The following PCGF5 variants were observed in gnomAD, a reference collection of about 807,000 sequenced individuals.
PCGF5 encodes the protein polycomb group ring finger 5.
PCGF5 carries 9 observed loss-of-function variants against 44.3 expected under a neutral mutation model. The ratio of observed to expected loss-of-function variants is 0.20; its 90% CI spans 0.12 to 0.35. PCGF5 has a LOEUF of 0.35. Ranked by LOEUF, PCGF5 falls within the 10% of genes least tolerant of loss-of-function variation. The pLI is 1.00. For missense variants in PCGF5, 146 were observed against 305.3 expected (o/e 0.48, Z 3.89); for synonymous variants, 95 against 102.5 (o/e 0.93, Z 0.44).
intron 1 of PCGF5, among the ~76,000 whole-genome samples, chr10:91,203,258 C>G (rs528471920): frequency 1.3e-5 from 2 of 152,296 alleles, no homozygotes; most frequent in South Asian, 4.1e-4. Context: ...GGGAATAAGG[C>G]ACAGGATGAT....
rs559761252 is a variant in PCGF5, at chr10:91,172,153, G to A, written c.-184+9072G>A. Among the ~76,000 whole-genome samples, 151 of 152,250 alleles carry A rather than the reference G, an allele frequency of 9.9e-4. 1 individual carries two copies. Among genetic ancestry groups the A allele is most frequent in the African/African-American group, 3.3e-3 (136 of 41,532 alleles). ...AATATTGCCCTCTAGGGCCAGGCGC[G>A]GTGGCTCATGCCTGTAATCCCAGCA... is the stretch of plus-strand genomic sequence containing the variant. On this transcript the variant is annotated intron_variant, in intron 1 of 9. Coordinates refer to the PCGF5 transcript ENST00000614189.
At chr10:91,205,256 C>G (rs990192472) in intron 1 of PCGF5, among the ~76,000 whole-genome samples, 1 of 151,228 alleles carries the variant, frequency 6.6e-6, no homozygotes, top group Admixed American at 6.6e-5. Flanking sequence ...TATTATGGAA[C>G]GATTTTTCTT....
rs11400268 is a variant in PCGF5 at position 91,270,380 on chromosome 10, G to GAA, written c.664-1247_664-1246dup. ...TTGACTGATACCAAAGAGATCAATA[G>GAA]AAAAAAAAAAAAGAATCACTTAGTG... On this transcript the variant is annotated intron_variant, in intron 8 of 9. Coordinates refer to ENST00000336126, the MANE Select transcript of PCGF5 (RefSeq NM_032373.5). 3.4e-3 allele frequency among the ~76,000 whole-genome samples: 498 copies of GAA among 147,790 alleles called. 1 individual carries two copies. Among genetic ancestry groups the GAA allele is most frequent in the African/African-American group, 9.2e-3 (372 of 40,268 alleles).
rs59254639 is a variant in PCGF5, at chr10:91,173,578, C to CTTTTTTTTTTTTTTTTTTTTTTTTTT, written c.-184+10514_-184+10515insTTTTTTTTTTTTTTTTTTTTTTTTTT. ...TTATTCTTCTGCTAGAGGGAGTTGG[C>CTTTTTTTTTTTTTTTTTTTTTTTTTT]TTTTTTTTTTTTTTTTTCCCACAGA... On this transcript the variant is annotated intron_variant, in intron 1 of 9. Coordinates refer to the PCGF5 transcript ENST00000614189. 1.7e-5 allele frequency among the ~76,000 whole-genome samples: 2 copies of CTTTTTTTTTTTTTTTTTTTTTTTTTT among 115,628 alleles called. 1 individual carries two copies. Among genetic ancestry groups the CTTTTTTTTTTTTTTTTTTTTTTTTTT allele is most frequent in the African/African-American group, 6.8e-5 (2 of 29,276 alleles). 75.9% of individuals were successfully genotyped at this position (115,628 alleles called of 152,430 possible).
chr10:91,220,866 G>C (rs1454923548), intron 1 of PCGF5, 30 bp downstream of exon 1: 1 of 153,412 alleles, frequency 6.5e-6, no homozygotes, highest in African/African-American at 2.4e-5. Flanking sequence ...GGGAGCTGCA[G>C]GGACGCCAGA....
At chr10:91,161,996 G>A (rs182201868), upstream of PCGF5, among the ~76,000 whole-genome samples, 4 of 152,114 alleles carry the variant, frequency 2.6e-5, no homozygotes, top group African/African-American at 9.6e-5. Context: ...GGAGCAGGAA[G>A]ACTGCACAGA....
chr10:91,162,422 A>G (rs556757433), upstream of PCGF5, among the ~76,000 whole-genome samples: 12 of 152,252 alleles, frequency 7.9e-5, no homozygotes, highest in South Asian at 2.5e-3. Context: ...GGACTTGACC[A>G]TCGCCAGGGA....
At chr10:91,217,604 T>A (rs1248556006), upstream of PCGF5, among the ~76,000 whole-genome samples, 2 of 152,234 alleles carry the variant, frequency 1.3e-5, no homozygotes, top group Admixed American at 1.3e-4. Flanking sequence ...TTTGTGGTTC[T>A]CTGGAAGAGT....
At chr10:91,239,232 G>A (rs990511822) in intron 2 of PCGF5, among the ~76,000 whole-genome samples, 3 of 152,122 alleles carry the variant, frequency 2.0e-5, no homozygotes, top group South Asian at 2.1e-4. Flanking sequence ...GCTTTGTTTT[G>A]TTGGCCCCTG....
At chr10:91,172,147 A>G (rs777185083) in intron 1 of PCGF5, among the ~76,000 whole-genome samples, 4 of 151,722 alleles carry the variant, frequency 2.6e-5, no homozygotes. Context: ...CTCTAGGGCC[A>G]GGCGCGGTGG....
chr10:91,236,266 C>G (rs756094273), intron 2 of PCGF5, among the ~76,000 whole-genome samples: 15 of 152,156 alleles, frequency 9.9e-5, no homozygotes. Flanking sequence ...CCTAGTCAGG[C>G]TCTCCAGCAC....
chr10:91,156,252 T>A, the PCGF5 span, among the ~76,000 whole-genome samples: 5 of 152,054 alleles, frequency 3.3e-5, no homozygotes, highest in African/African-American at 9.7e-5. Context: ...ATATAATAAT[T>A]CATGGGTACC....
chr10:91,251,334 G>A lies in PCGF5; in HGVS notation c.368G>A (p.Gly123Asp), dbSNP rs957047222. The change falls in exon 6 of 10, where the codon GGT (glycine) becomes GAT (aspartate). Residue 123 changes from glycine to aspartate, a missense_variant. Gly to Asp is a moderately conservative substitution (Grantham distance 94). Transcript: ENST00000336126. ...GACAAACCGAAAGTAGATGAAGAAG[G>A]TGATGAAAATGAAGATGATAAAGAT... is the stretch of plus-strand genomic sequence containing the variant. ...KADKPKVDEEGDENEDDKDYH... is the reference protein window; with the variant it reads ...KADKPKVDEEDDENEDDKDYH... The A allele has an allele frequency of 1.9e-6, 3 of 1,610,560 alleles. No homozygotes were observed. In the Admixed American group the frequency reaches 5.0e-5, roughly 27 times the overall value.
chr10:91,176,040 G>A (rs1442865857), intron 1 of PCGF5, among the ~76,000 whole-genome samples: 1 of 152,166 alleles, frequency 6.6e-6, no homozygotes, highest in East Asian at 1.9e-4. Flanking sequence ...TTTTTGCAGT[G>A]GCTGGTACCG....
rs1846453045 is a variant in PCGF5, at chr10:91,281,489, C to T, written c.*3173C>T. ...GTGCATTTCTGTTTTAAATTTACTGCATAAAGTTTGAGTTATCTGTACCTG... is the reference window on the plus strand; with the variant it reads ...GTGCATTTCTGTTTTAAATTTACTGTATAAAGTTTGAGTTATCTGTACCTG... On this transcript the variant is annotated 3_prime_UTR_variant, in exon 10 of 10. Transcript: ENST00000336126. 6.6e-6 allele frequency: 1 copy of T among 152,504 alleles called. No individual in the cohort carries two copies. Among genetic ancestry groups the T allele is most frequent in the Admixed American group, 6.5e-5 (1 of 15,276 alleles). 9.4% of individuals were successfully genotyped at this position (152,504 alleles called of 1,614,324 possible).
intron 2 of PCGF5, among the ~76,000 whole-genome samples, chr10:91,230,328 G>A (rs1844967717): frequency 6.6e-6 from 1 of 152,116 alleles, no homozygotes; most frequent in Non-Finnish European, 1.5e-5. Flanking sequence ...ATGTTTAAGA[G>A]TCTAGCACAA....
At chr10:91,267,798 C>A (rs1846082575) in intron 8 of PCGF5, among the ~76,000 whole-genome samples, 1 of 152,136 alleles carries the variant, frequency 6.6e-6, no homozygotes, top group Non-Finnish European at 1.5e-5. Flanking sequence ...AGCAAGATGC[C>A]AGGATGTCTG....
intron 7 of PCGF5, among the ~76,000 whole-genome samples, chr10:91,261,685 TAAGTACTCCCAAA>T (rs1293493651): frequency 2.0e-5 from 3 of 152,202 alleles, no homozygotes; most frequent in Non-Finnish European, 2.9e-5. Flanking sequence ...AACTTAACAT[TAAGTACTCCCAAA>T]ATAAATATAC....
At chr10:91,183,384 G>A (rs746816433) in intron 1 of PCGF5, among the ~76,000 whole-genome samples, 1 of 149,350 alleles carries the variant, frequency 6.7e-6, no homozygotes, top group African/African-American at 2.5e-5. Flanking sequence ...TTTAAAGTCT[G>A]TTTTGGCAGA....
Sources: allele counts gnomAD v4.1 joint callset (sites outside exome capture counted in the v4.1 genomes callset), GRCh38; gene constraint gnomAD v4.1.1; transcripts MANE v1.5; gene names NCBI Gene and HGNC (gene_info 2026-07-23, HGNC 2026-07-21).